KCNH1: variants seen among roughly 807,000 people sequenced by gnomAD.
KCNH1 encodes potassium voltage-gated channel subfamily H member 1, also known as voltage-gated delayed rectifier potassium channel KCNH1.
A neutral mutation model predicts 69.2 loss-of-function variants in KCNH1; 27 were observed. That is an observed-to-expected ratio of 0.39 (90% confidence interval 0.29 to 0.54). The LOEUF is 0.54. Among genes scored for constraint, KCNH1 ranks in the 20% least tolerant of loss-of-function variants. KCNH1 has a pLI of 0.68. For missense variants in KCNH1, 798 were observed against 1,261.6 expected (o/e 0.63, Z 5.57); for synonymous variants, 456 against 487.7 (o/e 0.93, Z 0.86).
chr1:210,876,329 T>A (rs1285937520), intron 7 of KCNH1, among the ~76,000 whole-genome samples: 1 of 152,174 alleles, frequency 6.6e-6, no homozygotes, highest in Non-Finnish European at 1.5e-5. Context: ...AATTTTACAA[T>A]ACCAAACCTG....
At chr1:211,116,149 G>A (rs560339111) in intron 1 of KCNH1, among the ~76,000 whole-genome samples, 48 of 151,932 alleles carry the variant, frequency 3.2e-4, no homozygotes, top group Middle Eastern at 6.8e-3. Context: ...AAAAACAAAC[G>A]AATCAATGAC....
intron 7 of KCNH1, among the ~76,000 whole-genome samples, chr1:210,870,827 T>G (rs1469282462): frequency 6.6e-6 from 1 of 152,166 alleles, no homozygotes; most frequent in East Asian, 1.9e-4. Context: ...ATACAATTCA[T>G]AGAAATGAGA....
At chr1:210,966,785 A>G (rs1688413285) in intron 6 of KCNH1, among the ~76,000 whole-genome samples, 1 of 152,238 alleles carries the variant, frequency 6.6e-6, no homozygotes, top group East Asian at 1.9e-4. Context: ...AAATTAGTTC[A>G]ACCATTGTGG....
intron 6 of KCNH1, among the ~76,000 whole-genome samples, chr1:210,944,790 G>A (rs1048623157): frequency 6.6e-5 from 10 of 152,140 alleles, no homozygotes; most frequent in East Asian, 3.9e-4. Context: ...TTCAACCCTC[G>A]TTAAGTGTAC....
At chr1:211,053,049 T>C (rs1259573026) in intron 5 of KCNH1, among the ~76,000 whole-genome samples, 1 of 152,232 alleles carries the variant, frequency 6.6e-6, no homozygotes, top group East Asian at 1.9e-4. Flanking sequence ...TTTATTTATA[T>C]GTTAAAATTT....
chr1:210,978,229 A>G (rs558324438), intron 6 of KCNH1, among the ~76,000 whole-genome samples: 74 of 152,080 alleles, frequency 4.9e-4, no homozygotes, highest in African/African-American at 1.8e-3. Flanking sequence ...TAGTAGAGAC[A>G]GGGTTTCACC....
At chr1:210,696,289 T>C (rs917145709) in intron 10 of KCNH1, among the ~76,000 whole-genome samples, 5 of 152,166 alleles carry the variant, frequency 3.3e-5, no homozygotes, top group Admixed American at 3.3e-4. Context: ...TCCTAGGTTT[T>C]GGTAATACTG....
intron 9 of KCNH1, among the ~76,000 whole-genome samples, chr1:210,796,027 T>C (rs1056556878): frequency 6.0e-5 from 9 of 149,566 alleles, no homozygotes; most frequent in African/African-American, 2.2e-4. Context: ...TGGTGGTGGG[T>C]GCATGTAGTC....
At chr1:210,759,585 G>A (rs113802659) in intron 10 of KCNH1, among the ~76,000 whole-genome samples, 2,050 of 152,056 alleles carry the variant, frequency 0.013, 47 homozygotes, top group African/African-American at 0.047. Flanking sequence ...TCTAAGATAG[G>A]TCCTTTGAAT....
In KCNH1 at chr1:211,018,993, A is replaced by T. The variant is rs1223344908; in HGVS notation, c.822T>A (p.Val274=). The change falls in exon 6 of 11, where the codon GTT becomes GTA. Residue 274 remains valine, a synonymous_variant. Transcript: ENST00000271751. ...CAGAAATCACCTCCCCTGCTGGTCC[A>T]ACAAAGGTGGTATGAAAATTGAGCA... is the stretch of plus-strand genomic sequence containing the variant. The part of the protein sequence containing the change: ...DIVLNFHTTF[V]GPAGEVISDP... The T allele has an allele frequency of 6.2e-7, 1 of 1,613,978 alleles. No individual in the cohort carries two copies. The highest frequency in any genetic ancestry group is 8.5e-7 in the Non-Finnish European group (1 of 1,180,000).
At chr1:211,109,765 C>CA (rs140960466) in intron 1 of KCNH1, among the ~76,000 whole-genome samples, 28 of 145,800 alleles carry the variant, frequency 1.9e-4, no homozygotes, top group Admixed American at 6.8e-4. Flanking sequence ...AAGAATGAAC[C>CA]AAAAAAAAAC....
At chr1:210,971,050 A>C (rs2102366911) in intron 6 of KCNH1, among the ~76,000 whole-genome samples, 1 of 152,318 alleles carries the variant, frequency 6.6e-6, no homozygotes, top group South Asian at 2.1e-4. Flanking sequence ...AAAGCTCAAC[A>C]TCACTGATCA....
At chr1:211,026,376 C>CA (rs34132386) in intron 5 of KCNH1, among the ~76,000 whole-genome samples, 4,967 of 72,550 alleles carry the variant, frequency 0.068, 181 homozygotes, top group East Asian at 0.16. Flanking sequence ...GGAGTATAGA[C>CA]AAAAAAAAAA....
At chr1:211,109,527 T>C (rs1315293554) in intron 1 of KCNH1, among the ~76,000 whole-genome samples, 1 of 152,138 alleles carries the variant, frequency 6.6e-6, no homozygotes, top group African/African-American at 2.4e-5. Flanking sequence ...AATCCTGAAA[T>C]AGTAGTTAAT....
intron 6 of KCNH1, among the ~76,000 whole-genome samples, chr1:210,986,648 GA>G (rs1688841381): frequency 6.6e-6 from 1 of 152,192 alleles, no homozygotes; most frequent in South Asian, 2.1e-4. Flanking sequence ...TCTGCTGAGA[GA>G]TCAGCTGTTA....
At chr1:210,884,403 T>C (rs928223987) in intron 7 of KCNH1, among the ~76,000 whole-genome samples, 1 of 152,346 alleles carries the variant, frequency 6.6e-6, no homozygotes. Context: ...TTAGTGAGCC[T>C]GTGAGAATCC....
intron 10 of KCNH1, among the ~76,000 whole-genome samples, chr1:210,716,619 T>C (rs1682258148): frequency 6.6e-6 from 1 of 152,180 alleles, no homozygotes; most frequent in Middle Eastern, 3.2e-3. Flanking sequence ...CATAGAACTT[T>C]AACTTCCTCC....
chr1:210,923,600 T>C (rs191823212), intron 6 of KCNH1, among the ~76,000 whole-genome samples: 23 of 152,356 alleles, frequency 1.5e-4, no homozygotes, highest in Admixed American at 3.9e-4. Context: ...TCCAGAATGC[T>C]CAGCATTCCT....
At chr1:211,017,923 G>C (rs1345329961) in intron 6 of KCNH1, among the ~76,000 whole-genome samples, 1 of 152,110 alleles carries the variant, frequency 6.6e-6, no homozygotes, top group Non-Finnish European at 1.5e-5. Context: ...TGGGTCATGG[G>C]GGGTGGATCC....
Sources: allele counts gnomAD v4.1 joint callset (sites outside exome capture counted in the v4.1 genomes callset), GRCh38; gene constraint gnomAD v4.1.1; transcripts MANE v1.5; gene names NCBI Gene and HGNC (gene_info 2026-07-23, HGNC 2026-07-21).